The following GRAMD2B variants were observed in gnomAD, a reference collection of about 807,000 sequenced individuals.
GRAMD2B encodes GRAM domain containing 2B, also known as GRAM domain-containing protein 2B.
GRAMD2B carries 41 observed loss-of-function variants against 59.2 expected under a neutral mutation model. The ratio of observed to expected loss-of-function variants is 0.69; its 90% CI spans 0.54 to 0.90. The LOEUF is 0.90. Ranked by LOEUF, GRAMD2B falls within the 40% of genes least tolerant of loss-of-function variation. GRAMD2B has a pLI of 0.00. For missense variants in GRAMD2B, 424 were observed against 500.5 expected (o/e 0.85, Z 1.46); for synonymous variants, 161 against 182.7 (o/e 0.88, Z 0.96).
At position 126,373,197 on chromosome 5, in the gene GRAMD2B, T is replaced by C. The variant is rs557742939; in HGVS notation, c.125+1630T>C. 6.2e-4 allele frequency among the ~76,000 whole-genome samples: 94 copies of C among 152,316 alleles called. 1 individual carries two copies. The highest frequency in any genetic ancestry group is 2.1e-3 in the African/African-American group (89 of 41,576). ...AACATATCTCTAAGTAGGTCAGGCA[T>C]TGAAGGACTTTTAGTCTAGTTGAAA... is the stretch of plus-strand genomic sequence containing the variant. On this transcript the variant is annotated intron_variant, in intron 1 of 8. Coordinates refer to the GRAMD2B transcript ENST00000506445.
At chr5:126,419,330 G>C (rs1210229911), upstream of GRAMD2B, among the ~76,000 whole-genome samples, 1 of 152,002 alleles carries the variant, frequency 6.6e-6, no homozygotes, top group Non-Finnish European at 1.5e-5. Flanking sequence ...GAGAGAGAGA[G>C]AGAGCGAGAG....
chr5:126,400,416 C>T (rs1757722114), intron 1 of GRAMD2B, among the ~76,000 whole-genome samples: 1 of 152,048 alleles, frequency 6.6e-6, no homozygotes, highest in African/African-American at 2.4e-5. Context: ...TATCTATTAA[C>T]AAATTATTAT....
chr5:126,378,628 T>C (rs567007944), intron 1 of GRAMD2B, among the ~76,000 whole-genome samples: 131 of 152,312 alleles, frequency 8.6e-4, no homozygotes, highest in Middle Eastern at 3.4e-3. Flanking sequence ...ATACACACTG[T>C]ATACTTTGCA....
At chr5:126,360,281 T>G in exon 1 of GRAMD2B, 2 of 1,547,076 alleles carry the variant, frequency 1.3e-6, no homozygotes, top group South Asian at 2.4e-5. Context: ...AATACAAAGT[T>G]CCTTCCCGAC....
At chr5:126,364,327 G>A (rs1754346827) in intron 1 of GRAMD2B, among the ~76,000 whole-genome samples, 1 of 152,140 alleles carries the variant, frequency 6.6e-6, no homozygotes, top group Non-Finnish European at 1.5e-5. Context: ...CTATGGGGAG[G>A]AAATTCCTGA....
At chr5:126,461,972 C>G (rs75766104) in intron 1 of GRAMD2B, among the ~76,000 whole-genome samples, 3 of 152,288 alleles carry the variant, frequency 2.0e-5, no homozygotes, top group South Asian at 4.1e-4. Context: ...AATAACCTGC[C>G]AAGGCCAAGT....
At chr5:126,399,705 G>A (rs527814711) in intron 1 of GRAMD2B, among the ~76,000 whole-genome samples, 9 of 152,218 alleles carry the variant, frequency 5.9e-5, no homozygotes, top group African/African-American at 2.2e-4. Context: ...ATATCTTTCT[G>A]TTGAATTGAC....
chr5:126,465,925 C>T (rs1342329465), intron 2 of GRAMD2B, among the ~76,000 whole-genome samples: 1 of 152,116 alleles, frequency 6.6e-6, no homozygotes, highest in Non-Finnish European at 1.5e-5. Context: ...AAAAGAATCC[C>T]CATCCCGGGG....
intron 1 of GRAMD2B, among the ~76,000 whole-genome samples, chr5:126,460,493 A>G (rs62394667): frequency 6.6e-6 from 1 of 152,222 alleles, no homozygotes; most frequent in Non-Finnish European, 1.5e-5. Context: ...AGTTTATGAA[A>G]TTGGAAAAGC....
intron 1 of GRAMD2B, among the ~76,000 whole-genome samples, chr5:126,379,159 T>A (rs1282200351): frequency 6.6e-6 from 1 of 152,166 alleles, no homozygotes; most frequent in Non-Finnish European, 1.5e-5. Flanking sequence ...ATACGATATT[T>A]GATTTTCCAT....
chr5:126,461,808 T>A (rs1005391965), intron 1 of GRAMD2B, among the ~76,000 whole-genome samples: 5 of 152,008 alleles, frequency 3.3e-5, no homozygotes, highest in Admixed American at 6.6e-5. Context: ...CTCAAAAAAA[T>A]AAATAAATAA....
chr5:126,456,990 A>C (rs1766400325), intron 1 of GRAMD2B, among the ~76,000 whole-genome samples: 1 of 151,146 alleles, frequency 6.6e-6, no homozygotes, highest in African/African-American at 2.4e-5. Flanking sequence ...CAGGAGATCA[A>C]GACCATCCTG....
rs777433423 is a variant in GRAMD2B, at chr5:126,465,374, C to T, written c.84-52C>T. The T allele has an allele frequency of 5.0e-6, 8 of 1,608,004 alleles. No homozygotes were observed. In the Admixed American group the frequency reaches 5.2e-5, roughly 10 times the overall value. On this transcript the variant is annotated intron_variant, in intron 1 of 13. Transcript: ENST00000285689. ...CCATGTTACTTCATCGTTTTCCTTC[C>T]AGCTACCTCTCTCTGAATGTCTAAA...
At chr5:126,423,102 A>C, upstream of GRAMD2B, 1 of 937,006 alleles carries the variant, frequency 1.1e-6, no homozygotes, top group Non-Finnish European at 1.3e-6. Context: ...CACACAGCGC[A>C]TTTGTGTGAC....
intron 2 of GRAMD2B, among the ~76,000 whole-genome samples, chr5:126,467,148 G>A (rs1768596575): frequency 6.6e-6 from 1 of 152,080 alleles, no homozygotes; most frequent in African/African-American, 2.4e-5. Context: ...AATTAGCCGG[G>A]TGTGGTAGTG....
intron 13 of GRAMD2B, 83 bp downstream of exon 13, chr5:126,488,975 C>G (rs908157020): frequency 3.4e-6 from 3 of 873,098 alleles, no homozygotes; most frequent in Middle Eastern, 2.2e-4. Context: ...ATTACACACT[C>G]AGACGCCGTT....
chr5:126,463,402 G>T (rs960981136), intron 1 of GRAMD2B, among the ~76,000 whole-genome samples: 2 of 152,062 alleles, frequency 1.3e-5, no homozygotes, highest in Non-Finnish European at 2.9e-5. Flanking sequence ...GTGTCTTGGG[G>T]GAAGCGAAAA....
chr5:126,454,890 T>A (rs1019585625), intron 1 of GRAMD2B, among the ~76,000 whole-genome samples: 1 of 152,232 alleles, frequency 6.6e-6, no homozygotes, highest in African/African-American at 2.4e-5. Flanking sequence ...TTGGGGCTCC[T>A]TTGGTTTTTT....
Position 126,485,702 on chromosome 5 carries a change from T to G in GRAMD2B, c.987T>G (p.Val329=), listed in dbSNP as rs746453528. ...TCCCAACAGGTCTGTCAGAAACTGTTGGAATCTTACATAAAGTCAAGTCTC... is the reference window on the plus strand; with the variant it reads ...TCCCAACAGGTCTGTCAGAAACTGTGGGAATCTTACATAAAGTCAAGTCTC... ...SLPVQGLSET[V]GILHKVKSQK... Residue 329 remains valine (V), a synonymous_variant, in exon 11 of 14, where the codon GTT becomes GTG. Coordinates refer to ENST00000285689, the MANE Select transcript of GRAMD2B (RefSeq NM_023927.4). 1 of 1,611,850 alleles carries G rather than the reference T, an allele frequency of 6.2e-7. No homozygotes were observed. Among genetic ancestry groups the G allele is most frequent in the East Asian group, 2.2e-5 (1 of 44,832 alleles).
Sources: allele counts gnomAD v4.1 joint callset (sites outside exome capture counted in the v4.1 genomes callset), GRCh38; gene constraint gnomAD v4.1.1; transcripts MANE v1.5; gene names NCBI Gene and HGNC (gene_info 2026-07-23, HGNC 2026-07-21).